RAPGEF6: variants seen among roughly 807,000 people sequenced by gnomAD.
The protein encoded by RAPGEF6 is Rap guanine nucleotide exchange factor 6.
RAPGEF6 carries 56 observed loss-of-function variants against 171.4 expected under a neutral mutation model. The ratio of observed to expected loss-of-function variants is 0.33; its 90% CI spans 0.26 to 0.41. The LOEUF (loss-of-function observed/expected upper bound fraction) is 0.41, where lower values mean the gene tolerates loss of function less well. RAPGEF6 is among the 10% of genes least tolerant of loss of function. The pLI, the probability that RAPGEF6 is intolerant of heterozygous loss-of-function variation, is 1.00. For synonymous variants in RAPGEF6, 692 were observed against 650.1 expected (o/e 1.06, Z -0.98); for missense variants, 1,674 against 1,921.4 (o/e 0.87, Z 2.41).
rs1301820431 is a variant in RAPGEF6 at position 131,433,580 on chromosome 5, A to G, written c.3824T>C (p.Ile1275Thr). Residue 1275 changes from isoleucine to threonine, a missense_variant, in exon 25 of 28, where the codon ATC (isoleucine) becomes ACC (threonine). This residue lies in a region of RAPGEF6 where 552 missense variants were observed against 574.2 expected (regional missense o/e 0.96). Transcript: ENST00000509018. ...GGAGTCAACAGAACAATTGCTCACG[A>G]TGCTGGACCGTGAAGAAATCTCACT... ...SHSEISSRSS[I>T]VSNCSVDSMS... 5.0e-6 allele frequency: 8 copies of G among 1,613,730 alleles called. No individual in the cohort carries two copies. The South Asian group carries it at 6.6e-5, about 13-fold the overall frequency.
intron 6 of RAPGEF6, among the ~76,000 whole-genome samples, chr5:131,534,993 G>C (rs1340489507): frequency 6.6e-6 from 1 of 152,092 alleles, no homozygotes; most frequent in Admixed American, 6.6e-5. Context: ...AAGGGAGACA[G>C]CCATCTCTTA....
chr5:131,481,872 CT>C (rs1442460378), intron 15 of RAPGEF6, among the ~76,000 whole-genome samples: 1 of 152,070 alleles, frequency 6.6e-6, no homozygotes, highest in East Asian at 1.9e-4. Context: ...TATGCTGCAC[CT>C]TTTTTTATTT....
chr5:131,515,752 T>C (rs755022732), intron 7 of RAPGEF6, among the ~76,000 whole-genome samples: 4 of 152,062 alleles, frequency 2.6e-5, no homozygotes, highest in Non-Finnish European at 4.4e-5. Context: ...TAGAAGAGCA[T>C]GATTAAAACA....
chr5:131,615,567 T>C (rs1765213133), intron 1 of RAPGEF6, among the ~76,000 whole-genome samples: 1 of 152,086 alleles, frequency 6.6e-6, no homozygotes. Context: ...TGCTAATCAT[T>C]TACGCTGAAT....
chr5:131,563,286 T>C (rs1307647213), intron 4 of RAPGEF6, among the ~76,000 whole-genome samples: 1 of 151,848 alleles, frequency 6.6e-6, no homozygotes, highest in East Asian at 1.9e-4. Flanking sequence ...CCAAAAAACA[T>C]CTAATAAATA....
At position 131,521,427 on chromosome 5, in the gene RAPGEF6, C is replaced by A; in HGVS notation, c.590G>T (p.Ser197Ile). The A allele has an allele frequency of 3.1e-6, 5 of 1,611,644 alleles. No individual in the cohort carries two copies. The highest frequency in any genetic ancestry group is 4.2e-6 in the Non-Finnish European group (5 of 1,178,688). The change falls in exon 7 of 28, where the codon AGT (serine) becomes ATT (isoleucine). Residue 197 changes from serine (S) to isoleucine (I), a missense_variant. By Grantham distance (142) the Ser-to-Ile change is moderately radical. Coordinates refer to ENST00000509018, the MANE Select transcript of RAPGEF6 (RefSeq NM_016340.6). ...AGATAAACTGCTGCTTCCAGAGTCA[C>A]TGGCAATGCTACAACCAGACTGACT... ...SSSQSGCSIASDSGSSSLSDI... is the reference protein window; with the variant it reads ...SSSQSGCSIAIDSGSSSLSDI...
chr5:131,578,970 A>G (rs189630825), intron 4 of RAPGEF6, among the ~76,000 whole-genome samples: 3 of 152,254 alleles, frequency 2.0e-5, no homozygotes, highest in Non-Finnish European at 4.4e-5. Context: ...AACTTCAAGA[A>G]TGAAGCCGCG....
At chr5:131,531,808 C>T (rs1759398902) in intron 6 of RAPGEF6, among the ~76,000 whole-genome samples, 1 of 152,070 alleles carries the variant, frequency 6.6e-6, no homozygotes, top group Non-Finnish European at 1.5e-5. Context: ...AGAGTATGAT[C>T]ACTGATAAGT....
intron 15 of RAPGEF6, among the ~76,000 whole-genome samples, chr5:131,481,796 G>A (rs1168292113): frequency 2.0e-5 from 3 of 152,170 alleles, no homozygotes; most frequent in African/African-American, 7.2e-5. Context: ...AGACTTAAAT[G>A]GCTTCAGCTG....
intron 20 of RAPGEF6, among the ~76,000 whole-genome samples, chr5:131,453,633 C>CA (rs2149824883): frequency 6.6e-6 from 1 of 152,196 alleles, no homozygotes; most frequent in African/African-American, 2.4e-5. Flanking sequence ...AAATCCCAAA[C>CA]AAAGGGCAAC....
chr5:131,460,278 A>G (rs1753822906), intron 19 of RAPGEF6, among the ~76,000 whole-genome samples: 1 of 152,070 alleles, frequency 6.6e-6, no homozygotes, highest in Admixed American at 6.6e-5. Flanking sequence ...TGACACTATC[A>G]TAACTGTGCT....
intron 15 of RAPGEF6, among the ~76,000 whole-genome samples, chr5:131,484,205 TA>T (rs1325935312): frequency 6.7e-6 from 1 of 149,624 alleles, no homozygotes; most frequent in Non-Finnish European, 1.5e-5. Flanking sequence ...AAAGACTGAT[TA>T]TACCCACTGC....
intron 21 of RAPGEF6, among the ~76,000 whole-genome samples, chr5:131,452,215 G>A (rs1753140923): frequency 2.9e-5 from 1 of 34,062 alleles, no homozygotes; most frequent in African/African-American, 1.3e-4. Context: ...GCGAGACTCC[G>A]TCTCAAAAAA....
intron 7 of RAPGEF6, among the ~76,000 whole-genome samples, chr5:131,513,953 T>C (rs1055121771): frequency 1.1e-4 from 17 of 152,072 alleles, no homozygotes; most frequent in African/African-American, 3.9e-4. Flanking sequence ...GCTTAAGCCT[T>C]GGAGGCAGAG....
intron 3 of RAPGEF6, among the ~76,000 whole-genome samples, chr5:131,594,041 G>A (rs1216117744): frequency 6.6e-6 from 1 of 152,202 alleles, no homozygotes; most frequent in Non-Finnish European, 1.5e-5. Flanking sequence ...AATGTTTCCA[G>A]GGCATTTCAG....
chr5:131,490,421 T>C (rs2149871915), intron 14 of RAPGEF6, among the ~76,000 whole-genome samples: 1 of 152,182 alleles, frequency 6.6e-6, no homozygotes, highest in Non-Finnish European at 1.5e-5. Context: ...GACTTGCATC[T>C]ATGCACTAAA....
At chr5:131,534,703 C>A (rs1759645195) in intron 6 of RAPGEF6, among the ~76,000 whole-genome samples, 1 of 149,700 alleles carries the variant, frequency 6.7e-6, no homozygotes, top group Non-Finnish European at 1.5e-5. Context: ...TAATGTTAAT[C>A]ATTCTTTAAA....
chr5:131,574,851 C>T (rs901794674), intron 4 of RAPGEF6, among the ~76,000 whole-genome samples: 21 of 152,118 alleles, frequency 1.4e-4, no homozygotes, highest in African/African-American at 4.1e-4. Flanking sequence ...CCCCGCTCAA[C>T]GCCAGTACCC....
At chr5:131,433,356 C>G in intron 25 of RAPGEF6, 74 bp downstream of exon 25, 1 of 1,353,894 alleles carries the variant, frequency 7.4e-7, no homozygotes, top group Non-Finnish European at 1.1e-6. Flanking sequence ...GGTCCAAGGT[C>G]AAGGTGGGGA....
Sources: gnomAD v4.1 joint callset for allele counts (sites outside exome capture counted in the v4.1 genomes callset) on GRCh38, gnomAD v4.1.1 for gene constraint, gnomAD v4.1.1 regional missense constraint, MANE v1.5 for transcripts, NCBI Gene and HGNC (gene_info 2026-07-23, HGNC 2026-07-21) for gene names.